ADIPOR2: variants seen among roughly 807,000 people sequenced by gnomAD.
The protein encoded by ADIPOR2 is adiponectin receptor 2, also known as adiponectin receptor protein 2.
In ADIPOR2, 18 loss-of-function variants were observed where a neutral mutation model predicts 40.9. That is an observed-to-expected ratio of 0.44 (90% confidence interval 0.30 to 0.65). The LOEUF (loss-of-function observed/expected upper bound fraction) is 0.65. Among genes scored for constraint, ADIPOR2 ranks in the 30% least tolerant of loss-of-function variants. The pLI, the probability that ADIPOR2 is intolerant of heterozygous loss-of-function variation, is 0.09. For synonymous variants in ADIPOR2, 165 were observed against 166.4 expected, an observed-to-expected ratio of 0.99 and a Z score of 0.06; for missense variants, 283 against 479.2, an observed-to-expected ratio of 0.59 and a Z score of 3.82.
At chr12:1,782,976 C>CTTTTTT (rs71055199) in intron 6 of ADIPOR2, among the ~76,000 whole-genome samples, 12 of 109,754 alleles carry the variant, frequency 1.1e-4, no homozygotes, top group Non-Finnish European at 1.6e-4. Flanking sequence ...TTCTTTCTTT[C>CTTTTTT]TTTTTTTTTT....
chr12:1,746,800 T>C (rs554465948), intron 1 of ADIPOR2, among the ~76,000 whole-genome samples: 1 of 152,206 alleles, frequency 6.6e-6, no homozygotes, highest in African/African-American at 2.4e-5. Context: ...GAGACTGAAG[T>C]GGGAGGATTG....
intron 2 of ADIPOR2, among the ~76,000 whole-genome samples, chr12:1,769,788 C>T (rs1276923445): frequency 6.6e-6 from 1 of 151,890 alleles, no homozygotes. Context: ...GTGGTGCACC[C>T]ACGTTGGCCT....
chr12:1,755,340 T>C (rs551037415), intron 2 of ADIPOR2, among the ~76,000 whole-genome samples: 170 of 152,190 alleles, frequency 1.1e-3, no homozygotes, highest in African/African-American at 3.8e-3. Context: ...CCTCCCAGAG[T>C]GCTGGGATTA....
chr12:1,785,915 A>G, intron 7 of ADIPOR2, 29 bp from the exon 8 acceptor site: 2 of 1,612,270 alleles, frequency 1.2e-6, no homozygotes, highest in Non-Finnish European at 1.7e-6. Context: ...GGGTTTCTCT[A>G]CCCCCTTCTC....
intron 1 of ADIPOR2, among the ~76,000 whole-genome samples, chr12:1,691,868 A>G (rs1345728766): frequency 6.6e-6 from 1 of 152,076 alleles, no homozygotes; most frequent in African/African-American, 2.4e-5. Context: ...TTTGATCTTG[A>G]TTTAAGCGTT....
At chr12:1,743,919 T>C (rs949670445) in intron 1 of ADIPOR2, among the ~76,000 whole-genome samples, 1 of 152,214 alleles carries the variant, frequency 6.6e-6, no homozygotes, top group South Asian at 2.1e-4. Context: ...ATGATCAGCC[T>C]TATATTTTTT....
chr12:1,722,796 A>G (rs2094700358), intron 1 of ADIPOR2, among the ~76,000 whole-genome samples: 1 of 152,214 alleles, frequency 6.6e-6, no homozygotes, highest in Non-Finnish European at 1.5e-5. Flanking sequence ...GGTAGATGAT[A>G]CTTTTCCTTC....
chr12:1,746,088 T>C (rs567885861), intron 1 of ADIPOR2, among the ~76,000 whole-genome samples: 2 of 152,278 alleles, frequency 1.3e-5, no homozygotes, highest in African/African-American at 4.8e-5. Context: ...AAAAATATGA[T>C]CTATTTTAGG....
At chr12:1,712,071 C>T (rs1210032997) in intron 1 of ADIPOR2, among the ~76,000 whole-genome samples, 2 of 152,112 alleles carry the variant, frequency 1.3e-5, no homozygotes, top group African/African-American at 2.4e-5. Context: ...AGTACTGTTA[C>T]ATCACTAACT....
chr12:1,786,218 G>A lies in ADIPOR2; in HGVS notation c.*146G>A. ...TTGTGACGGCCCAGTGGCTCTGCGT[G>A]GTACATGACTGAGAAGAGAAAAACA... On this transcript the variant is annotated 3_prime_UTR_variant, in exon 8 of 8. Coordinates refer to ENST00000357103, the MANE Select transcript of ADIPOR2 (RefSeq NM_024551.3). 1 of 1,005,384 alleles carries A rather than the reference G, an allele frequency of 9.9e-7. No homozygotes were observed. Among genetic ancestry groups the A allele is most frequent in the Non-Finnish European group, 1.4e-6 (1 of 699,648 alleles). 62.3% of individuals were successfully genotyped at this position (1,005,384 alleles called of 1,614,324 possible).
chr12:1,737,735 A>G (rs1282121064), intron 1 of ADIPOR2, among the ~76,000 whole-genome samples: 1 of 152,066 alleles, frequency 6.6e-6, no homozygotes, highest in Admixed American at 6.6e-5. Flanking sequence ...TATTTTTAGT[A>G]GAGATGGGGT....
At chr12:1,733,603 CTTAT>C (rs547326094) in intron 1 of ADIPOR2, among the ~76,000 whole-genome samples, 75 of 151,950 alleles carry the variant, frequency 4.9e-4, no homozygotes, top group African/African-American at 1.1e-3. Flanking sequence ...ACCATGTGTT[CTTAT>C]TTATTTATTT....
intron 6 of ADIPOR2, among the ~76,000 whole-genome samples, chr12:1,781,647 C>T (rs1235663305): frequency 6.6e-6 from 1 of 152,118 alleles, no homozygotes; most frequent in Non-Finnish European, 1.5e-5. Flanking sequence ...CCCCTCAGTG[C>T]CTTGGCTGAG....
intron 1 of ADIPOR2, among the ~76,000 whole-genome samples, chr12:1,695,378 G>T (rs2094636346): frequency 6.6e-6 from 1 of 151,712 alleles, no homozygotes; most frequent in Non-Finnish European, 1.5e-5. Context: ...AGTGGGCTGA[G>T]GGTGGTGGCT....
intron 1 of ADIPOR2, among the ~76,000 whole-genome samples, chr12:1,708,445 C>G (rs2094668363): frequency 6.6e-6 from 1 of 152,124 alleles, no homozygotes; most frequent in Non-Finnish European, 1.5e-5. Context: ...AAGTATTTAG[C>G]TACACCAAGG....
intron 1 of ADIPOR2, among the ~76,000 whole-genome samples, chr12:1,707,776 T>C (rs2094666463): frequency 6.6e-6 from 1 of 152,218 alleles, no homozygotes; most frequent in Non-Finnish European, 1.5e-5. Flanking sequence ...CCTTGCCTTA[T>C]TTGCATTTTT....
chr12:1,757,561 T>G (rs1592616231), intron 2 of ADIPOR2: 2 of 944,336 alleles, frequency 2.1e-6, no homozygotes, highest in East Asian at 4.8e-5. Context: ...TCATTCACCT[T>G]GATGAGGGAA....
At chr12:1,754,590 A>C in intron 2 of ADIPOR2, 76 bp downstream of exon 2, 1 of 1,420,436 alleles carries the variant, frequency 7.0e-7, no homozygotes, top group Non-Finnish European at 9.4e-7. Context: ...TGGGGAAAAA[A>C]AAGTGGGGGT....
chr12:1,780,324 G>T (rs897509021), intron 4 of ADIPOR2, 127 bp from the exon 5 acceptor site: 2 of 1,050,798 alleles, frequency 1.9e-6, no homozygotes, highest in Non-Finnish European at 1.3e-6. Flanking sequence ...TTATTTGGAA[G>T]ATTTTTCTCA....
Sources: allele counts gnomAD v4.1 joint callset (sites outside exome capture counted in the v4.1 genomes callset), GRCh38; gene constraint gnomAD v4.1.1; transcripts MANE v1.5; gene names NCBI Gene and HGNC (gene_info 2026-07-23, HGNC 2026-07-21).